MEF2C: variants seen among roughly 807,000 people sequenced by gnomAD.
MEF2C encodes myocyte-specific enhancer factor 2C.
Under a neutral mutation model 50.5 loss-of-function variants are expected in MEF2C, and 6 were observed. That is an observed-to-expected ratio of 0.12 (90% CI 0.07 to 0.23). MEF2C has a LOEUF of 0.23. MEF2C is among the 10% of genes least tolerant of loss of function. The probability of loss-of-function intolerance (pLI) is 1.00; values close to 1 mark genes in which losing one functional copy is unlikely to be tolerated. For missense variants in MEF2C, 276 were observed against 605.0 expected (o/e 0.46, Z 5.70); for synonymous variants, 183 against 228.0 (o/e 0.80, Z 1.78).
chr5:88,727,210 A>C (rs1483291955), intron 10 of MEF2C, among the ~76,000 whole-genome samples: 1 of 152,186 alleles, frequency 6.6e-6, no homozygotes, highest in Non-Finnish European at 1.5e-5. Context: ...AAGTGTCCTA[A>C]AAAGATAAAA....
At chr5:88,797,600 T>C (rs912818971) in intron 3 of MEF2C, among the ~76,000 whole-genome samples, 3 of 151,778 alleles carry the variant, frequency 2.0e-5, no homozygotes, top group Non-Finnish European at 4.4e-5. Flanking sequence ...CTCTATCCAA[T>C]TTGCCAGTCT....
chr5:88,737,953 AG>A lies in MEF2C; in HGVS notation c.638-6053del, dbSNP rs1471816844. On this transcript the variant is annotated intron_variant, in intron 6 of 10. Transcript: ENST00000504921. ...GAAAGGAACAATGATGGCAGTGGAAAGGAGAGACAAAAGGGGGTTGGACTGC... is the reference window on the plus strand; with the variant it reads ...GAAAGGAACAATGATGGCAGTGGAAAGAGAGACAAAAGGGGGTTGGACTGC... 5.2e-5 allele frequency: 51 copies of A among 985,380 alleles called. No individual in the cohort carries two copies. The African/African-American group carries it at 8.2e-4, about 16-fold the overall frequency. 61.0% of individuals were successfully genotyped at this position (985,380 alleles called of 1,614,324 possible). A position where few individuals can be genotyped will look rare whatever the true frequency, so the allele number is the denominator to read the frequency against.
At chr5:88,814,365 T>C (rs1161459575) in intron 2 of MEF2C, among the ~76,000 whole-genome samples, 1 of 151,954 alleles carries the variant, frequency 6.6e-6, no homozygotes, top group Non-Finnish European at 1.5e-5. Flanking sequence ...TGACGGGGCC[T>C]GCCATCGTAA....
intron 3 of MEF2C, among the ~76,000 whole-genome samples, chr5:88,792,554 C>T (rs1404124225): frequency 6.6e-6 from 1 of 152,072 alleles, no homozygotes. Context: ...AAATATCTCC[C>T]TCTTCATATT....
At chr5:88,896,630 C>T (rs1367958519) in intron 1 of MEF2C, among the ~76,000 whole-genome samples, 3 of 152,008 alleles carry the variant, frequency 2.0e-5, no homozygotes, top group Non-Finnish European at 4.4e-5. Flanking sequence ...AAAGAGTATC[C>T]ATATCAAATG....
chr5:88,844,526 G>C (rs1818618312), intron 1 of MEF2C: 1 of 240,272 alleles, frequency 4.2e-6, no homozygotes, highest in Non-Finnish European at 6.7e-6. Context: ...GATTAGAGAA[G>C]GGTTTTTGTT....
At chr5:88,764,402 G>A (rs1452403819) in intron 3 of MEF2C, among the ~76,000 whole-genome samples, 1 of 152,190 alleles carries the variant, frequency 6.6e-6, no homozygotes, top group Non-Finnish European at 1.5e-5. Context: ...TGGAGACAGT[G>A]TGGGGCCTGA....
At chr5:88,834,751 C>T (rs1814407201) in intron 1 of MEF2C, among the ~76,000 whole-genome samples, 1 of 152,104 alleles carries the variant, frequency 6.6e-6, no homozygotes, top group African/African-American at 2.4e-5. Flanking sequence ...CTGTGCCTGT[C>T]ACTGGTGGTA....
chr5:88,729,433 G>T (rs1760428110), intron 8 of MEF2C, 86 bp from the exon 9 acceptor site: 2 of 1,201,436 alleles, frequency 1.7e-6, no homozygotes, highest in South Asian at 2.7e-5. Flanking sequence ...TCCACATAAA[G>T]AGATAACTTG....
chr5:88,735,974 G>A (rs1187035820), intron 6 of MEF2C: 1 of 985,070 alleles, frequency 1.0e-6, no homozygotes, highest in Admixed American at 6.2e-5. Flanking sequence ...AAGCATATAA[G>A]ACTAATAAGC....
chr5:88,728,354 G>C (rs1759840924), intron 10 of MEF2C, 139 bp downstream of exon 10: 1 of 652,154 alleles, frequency 1.5e-6, no homozygotes, highest in South Asian at 7.3e-5. Context: ...GAAAAGTATT[G>C]ATCTGAAAAT....
intron 3 of MEF2C, among the ~76,000 whole-genome samples, chr5:88,779,730 A>G (rs1786819690): frequency 6.7e-6 from 1 of 149,376 alleles, no homozygotes; most frequent in African/African-American, 2.5e-5. Flanking sequence ...TAATATTTCA[A>G]TATAGAAATT....
intron 1 of MEF2C, among the ~76,000 whole-genome samples, chr5:88,833,079 G>A (rs1813684537): frequency 6.6e-6 from 1 of 152,084 alleles, no homozygotes. Flanking sequence ...TTTTAACATA[G>A]TGATAAATTT....
At chr5:88,764,206 G>T (rs1779004713) in intron 3 of MEF2C, among the ~76,000 whole-genome samples, 1 of 152,210 alleles carries the variant, frequency 6.6e-6, no homozygotes, top group African/African-American at 2.4e-5. Flanking sequence ...TCAGGGGGTA[G>T]ATATTGTGTT....
intron 4 of MEF2C, among the ~76,000 whole-genome samples, chr5:88,759,047 T>C (rs1776663849): frequency 1.3e-5 from 2 of 152,256 alleles, no homozygotes; most frequent in African/African-American, 4.8e-5. Context: ...TCTGTCTTTA[T>C]TCCAACTGTG....
intron 3 of MEF2C, 34 bp from the exon 4 acceptor site, chr5:88,761,362 A>G (rs1267973242): frequency 4.4e-6 from 7 of 1,596,526 alleles, no homozygotes; most frequent in African/African-American, 2.7e-5. Flanking sequence ...TCAAACCTAG[A>G]CAAAGGCTGT....
At chr5:88,836,320 C>T (rs1581390242) in intron 1 of MEF2C, among the ~76,000 whole-genome samples, 1 of 151,968 alleles carries the variant, frequency 6.6e-6, no homozygotes, top group South Asian at 2.1e-4. Flanking sequence ...TGCATTCTCA[C>T]CTCCCTCCCT....
intron 1 of MEF2C, among the ~76,000 whole-genome samples, chr5:88,847,646 C>T (rs1317599592): frequency 2.6e-5 from 4 of 151,964 alleles, no homozygotes; most frequent in African/African-American, 9.7e-5. Context: ...ATTCTCTGTG[C>T]CAACTTCCTC....
chr5:88,836,513 A>C (rs977287108), intron 1 of MEF2C, among the ~76,000 whole-genome samples: 12 of 152,062 alleles, frequency 7.9e-5, no homozygotes, highest in African/African-American at 2.9e-4. Context: ...AACTGAGGGG[A>C]TATGGAAAGT....
Sources: allele counts gnomAD v4.1 joint callset (sites outside exome capture counted in the v4.1 genomes callset), GRCh38; gene constraint gnomAD v4.1.1; transcripts MANE v1.5; gene names NCBI Gene and HGNC (gene_info 2026-07-23, HGNC 2026-07-21).